The following TAFA5 variants were observed in gnomAD, a reference collection of about 807,000 sequenced individuals.
TAFA5 encodes the protein chemokine-like protein TAFA-5.
TAFA5 carries 6 observed loss-of-function variants against 15.3 expected under a neutral mutation model. The ratio of observed to expected loss-of-function variants is 0.39; its 90% confidence interval spans 0.21 to 0.77. TAFA5 has a LOEUF of 0.77. Among genes scored for constraint, TAFA5 ranks in the 30% least tolerant of loss-of-function variants. TAFA5 has a pLI of 0.41. For missense variants in TAFA5, 161 were observed against 193.1 expected (o/e 0.83, Z 0.98); for synonymous variants, 103 against 80.7 (o/e 1.28, Z -1.48).
intron 1 of TAFA5, among the ~76,000 whole-genome samples, chr22:48,584,479 C>T (rs1196649271): frequency 6.7e-6 from 1 of 149,058 alleles, no homozygotes; most frequent in Non-Finnish European, 1.5e-5. Flanking sequence ...ATATACTACA[C>T]ATTCACACCA....
At chr22:48,524,200 GCCT>G (rs1189898375) in intron 1 of TAFA5, among the ~76,000 whole-genome samples, 2 of 152,198 alleles carry the variant, frequency 1.3e-5, no homozygotes, top group Non-Finnish European at 2.9e-5. Context: ...TGACCTCAGG[GCCT>G]CCATCTCCAC....
intron 1 of TAFA5, among the ~76,000 whole-genome samples, chr22:48,510,116 G>A (rs527591858): frequency 1.3e-5 from 2 of 152,094 alleles, no homozygotes; most frequent in African/African-American, 2.4e-5. Context: ...GAAATGCTTC[G>A]GGACATTGGT....
At chr22:48,548,896 C>T (rs1017586875) in intron 1 of TAFA5, among the ~76,000 whole-genome samples, 2 of 152,222 alleles carry the variant, frequency 1.3e-5, no homozygotes, top group African/African-American at 4.8e-5. Flanking sequence ...GGACTAAAGT[C>T]ATTTGGTTTC....
At chr22:48,595,656 G>A (rs1268957954) in intron 1 of TAFA5, among the ~76,000 whole-genome samples, 1 of 152,248 alleles carries the variant, frequency 6.6e-6, no homozygotes, top group Admixed American at 6.5e-5. Flanking sequence ...CGGGCAACCT[G>A]CCCATCAGGC....
intron 1 of TAFA5, among the ~76,000 whole-genome samples, chr22:48,576,052 C>A (rs994503555): frequency 2.6e-5 from 3 of 116,944 alleles, no homozygotes; most frequent in African/African-American, 3.4e-5. Flanking sequence ...CCCCCCCCCC[C>A]CGCGCCGCCC....
At chr22:48,573,445 A>G (rs1395371256) in intron 1 of TAFA5, among the ~76,000 whole-genome samples, 2 of 152,224 alleles carry the variant, frequency 1.3e-5, no homozygotes, top group East Asian at 3.9e-4. Context: ...TGTTGGTTTT[A>G]TCTGGTTCAG....
intron 1 of TAFA5, among the ~76,000 whole-genome samples, chr22:48,532,787 A>G (rs551563049): frequency 6.6e-6 from 1 of 152,302 alleles, no homozygotes; most frequent in African/African-American, 2.4e-5. Context: ...TCAGCAAGGA[A>G]TGGTGCCCCT....
intron 2 of TAFA5, among the ~76,000 whole-genome samples, chr22:48,704,197 C>CGT (rs1569086878): frequency 2.4e-5 from 3 of 127,050 alleles, no homozygotes; most frequent in South Asian, 2.3e-4. Flanking sequence ...TCAACACACA[C>CGT]GCGCACACAC....
intron 1 of TAFA5, among the ~76,000 whole-genome samples, chr22:48,583,853 A>G (rs1398423439): frequency 7.3e-6 from 1 of 136,368 alleles, no homozygotes; most frequent in South Asian, 2.4e-4. Flanking sequence ...CACACAAAAA[A>G]TACACCACAC....
intron 3 of TAFA5, among the ~76,000 whole-genome samples, chr22:48,749,435 C>T (rs1165495157): frequency 1.3e-5 from 2 of 152,164 alleles, no homozygotes; most frequent in East Asian, 1.9e-4. Flanking sequence ...GTGAGCTCTG[C>T]AGTCTGTGGC....
At chr22:48,675,108 A>AT (rs1302654207) in intron 2 of TAFA5, among the ~76,000 whole-genome samples, 35 of 152,112 alleles carry the variant, frequency 2.3e-4, no homozygotes, top group African/African-American at 8.4e-4. Flanking sequence ...CACACGGCTA[A>AT]TTTTTGTATT....
At chr22:48,572,625 C>T (rs147130904) in intron 1 of TAFA5, among the ~76,000 whole-genome samples, 2 of 152,100 alleles carry the variant, frequency 1.3e-5, no homozygotes, top group South Asian at 2.1e-4. Flanking sequence ...GTGCCATGGG[C>T]CTGTTTGGAA....
At chr22:48,646,974 C>T (rs747469242) in intron 2 of TAFA5, among the ~76,000 whole-genome samples, 30 of 152,284 alleles carry the variant, frequency 2.0e-4, no homozygotes, top group Non-Finnish European at 4.1e-4. Context: ...CGGGGAGATG[C>T]CGGTGCCCTG....
intron 1 of TAFA5, among the ~76,000 whole-genome samples, chr22:48,516,220 G>C (rs570595586): frequency 6.6e-6 from 1 of 152,184 alleles, no homozygotes; most frequent in Non-Finnish European, 1.5e-5. Context: ...ACATTTTTAC[G>C]TTTAAGTTGA....
At chr22:48,527,595 C>T (rs566111575) in intron 1 of TAFA5, among the ~76,000 whole-genome samples, 73 of 152,352 alleles carry the variant, frequency 4.8e-4, no homozygotes, top group Non-Finnish European at 8.4e-4. Context: ...TTCCAGCTTC[C>T]TTCCAGCTCT....
intron 1 of TAFA5, chr22:48,544,874 A>G (rs1293112538): frequency 2.1e-6 from 1 of 471,048 alleles, no homozygotes; most frequent in South Asian, 1.5e-5. Context: ...TCCTGAAGTA[A>G]GCCAGACTCG....
At chr22:48,744,717 C>T (rs1302454322) in intron 3 of TAFA5, among the ~76,000 whole-genome samples, 1 of 152,196 alleles carries the variant, frequency 6.6e-6, no homozygotes, top group Non-Finnish European at 1.5e-5. Flanking sequence ...TTTCTCTGTG[C>T]TTCCGCAGCC....
Position 48,750,558 on chromosome 22 carries a change from C to G in TAFA5, c.*711C>G, listed in dbSNP as rs760196187. On this transcript the variant is annotated 3_prime_UTR_variant, in exon 4 of 4. Coordinates refer to ENST00000402357, the MANE Select transcript of TAFA5 (RefSeq NM_001082967.3). ...CTGCGGGAGGCAGCGACGGCCCCCACGCAGACGCCGGGAACGCAGGCCGCT... is the reference window on the plus strand; with the variant it reads ...CTGCGGGAGGCAGCGACGGCCCCCAGGCAGACGCCGGGAACGCAGGCCGCT... The G allele has an allele frequency of 1.3e-5, 2 of 152,524 alleles. No individual in the cohort carries two copies. The highest frequency in any genetic ancestry group is 2.4e-5 in the African/African-American group (1 of 41,462). The allele number at this position is 152,524 out of a possible 1,614,324, so 9.4% of individuals were successfully genotyped here.
intron 2 of TAFA5, among the ~76,000 whole-genome samples, chr22:48,648,096 CAG>C (rs1479034682): frequency 6.6e-6 from 1 of 152,164 alleles, no homozygotes; most frequent in Non-Finnish European, 1.5e-5. Flanking sequence ...GACTTCAGGG[CAG>C]CTATATCCGT....
Sources: gnomAD v4.1 joint callset for allele counts (sites outside exome capture counted in the v4.1 genomes callset) on GRCh38, gnomAD v4.1.1 for gene constraint, MANE v1.5 for transcripts, NCBI Gene and HGNC (gene_info 2026-07-23, HGNC 2026-07-21) for gene names.